The following LARP1 variants were observed in gnomAD, a reference collection of about 807,000 sequenced individuals.
LARP1 encodes La ribonucleoprotein 1, translational regulator, also known as la-related protein 1.
A neutral mutation model predicts 122.7 loss-of-function variants in LARP1; 36 were observed. The observed-to-expected ratio is 0.29, with a 90% CI of 0.22 to 0.39. The LOEUF (loss-of-function observed/expected upper bound fraction) is 0.39. Ranked by LOEUF, LARP1 falls within the 10% of genes least tolerant of loss-of-function variation. The pLI, the probability that LARP1 is intolerant of heterozygous loss-of-function variation, is 1.00. For synonymous variants in LARP1, 539 were observed against 528.7 expected (o/e 1.02, Z -0.27); for missense variants, 1,040 against 1,403.6 (o/e 0.74, Z 4.14).
chr5:154,700,994 A>C lies in LARP1; in HGVS notation c.-180+17957A>C, dbSNP rs142975611. On this transcript the variant is annotated intron_variant, in intron 1 of 18. Coordinates refer to the LARP1 transcript ENST00000687700. Reference sequence around the variant, plus strand: ...AAAAAAAAGAAAAAAATATTTGTAGAGATAGCATCTCGCTATGTTGTCTAG... The same window carrying C: ...AAAAAAAAGAAAAAAATATTTGTAGCGATAGCATCTCGCTATGTTGTCTAG... Among the ~76,000 whole-genome samples the C allele has an allele frequency of 2.7e-3, 405 of 152,098 alleles. 3 individuals are homozygous for C. The highest frequency in any genetic ancestry group is 8.7e-3 in the African/African-American group (360 of 41,524).
Position 154,793,616 on chromosome 5 carries a change from C to T in LARP1, c.761C>T (p.Pro254Leu), listed in dbSNP as rs144894202. ...KKKGNKHKWV[P>L]LQIDMKPEVP... ...CCAGGAAACAAACACAAGTGGGTTC[C>T]ATTACAAATAGACATGAAGCCTGAA... Residue 254 changes from proline to leucine, a missense_variant, in exon 5 of 19, where the codon CCA becomes CTA. Physicochemically the swap from Pro to Leu is moderately conservative, Grantham distance 98 (BLOSUM62 -3). Coordinates refer to ENST00000518297, the MANE Select transcript of LARP1 (RefSeq NM_033551.3). The T allele has an allele frequency of 1.1e-4, 177 of 1,614,044 alleles. No homozygotes were observed. Among genetic ancestry groups the T allele is most frequent in the Non-Finnish European group, 1.4e-4 (170 of 1,180,052 alleles).
chr5:154,715,198 A>G (rs1327964729), intron 1 of LARP1, among the ~76,000 whole-genome samples: 3 of 151,232 alleles, frequency 2.0e-5, no homozygotes, highest in Admixed American at 2.0e-4. Context: ...GAAGAAATTA[A>G]AGTTGAAGAT....
chr5:154,702,412 C>T (rs1048632571), intron 1 of LARP1, among the ~76,000 whole-genome samples: 4 of 151,666 alleles, frequency 2.6e-5, no homozygotes, highest in African/African-American at 4.8e-5. Context: ...AAAAATTTCC[C>T]GGGCGTGGTG....
At chr5:154,687,785 C>G (rs1050343514) in intron 1 of LARP1, among the ~76,000 whole-genome samples, 3 of 62,328 alleles carry the variant, frequency 4.8e-5, no homozygotes, top group South Asian at 9.1e-4. Context: ...GCCAGGATAA[C>G]ACGAGAGAAC....
At position 154,811,650 on chromosome 5, in the gene LARP1, A is replaced by T. The variant is rs762875665; in HGVS notation, c.3081+10A>T. On this transcript the variant is annotated intron_variant, in intron 18 of 18. Transcript: ENST00000518297. ...AGACTTCCGAGTAGATGTAAGTGAA[A>T]CTCTTTCTCTAACTCTGCTTGTCCT... The T allele has an allele frequency of 6.2e-7, 1 of 1,613,810 alleles. No homozygotes were observed. The highest frequency in any genetic ancestry group is 1.1e-5 in the South Asian group (1 of 91,080).
At chr5:154,745,512 G>T (rs1753143336) in intron 1 of LARP1, among the ~76,000 whole-genome samples, 1 of 152,178 alleles carries the variant, frequency 6.6e-6, no homozygotes, top group Non-Finnish European at 1.5e-5. Context: ...ATCCTCAGGG[G>T]TAGGTGCTAT....
At chr5:154,784,169 G>A (rs540110229) in intron 1 of LARP1, among the ~76,000 whole-genome samples, 19 of 152,220 alleles carry the variant, frequency 1.2e-4, no homozygotes, top group Non-Finnish European at 2.6e-4. Flanking sequence ...CTGGTGTGAA[G>A]TCGCTATTCA....
intron 1 of LARP1, among the ~76,000 whole-genome samples, chr5:154,721,595 T>C (rs1755874759): frequency 1.3e-5 from 2 of 152,204 alleles, no homozygotes; most frequent in African/African-American, 4.8e-5. Context: ...TGCCAGCCAC[T>C]GCAGGGAAGC....
At chr5:154,756,217 T>G in intron 1 of LARP1, 24 bp downstream of exon 1, 1 of 1,217,142 alleles carries the variant, frequency 8.2e-7, no homozygotes, top group Middle Eastern at 2.6e-4. Flanking sequence ...CTTGCCCTCC[T>G]GGGTCCGGGG....
chr5:154,806,971 A>G (rs978630555), intron 15 of LARP1, among the ~76,000 whole-genome samples: 38 of 152,154 alleles, frequency 2.5e-4, no homozygotes, highest in African/African-American at 8.9e-4. Context: ...TATACATGCA[A>G]ACTACTCCCC....
intron 1 of LARP1, among the ~76,000 whole-genome samples, chr5:154,693,927 C>T (rs1582148045): frequency 6.6e-6 from 1 of 151,798 alleles, no homozygotes; most frequent in Admixed American, 6.6e-5. Context: ...CATAGCTCCA[C>T]CTATTTTGGC....
At position 154,803,814 on chromosome 5, in the gene LARP1, C is replaced by A; in HGVS notation, c.2439+69C>A. 1 of 1,460,226 alleles carries A rather than the reference C, an allele frequency of 6.8e-7. No individual in the cohort carries two copies. The highest frequency in any genetic ancestry group is 9.5e-7 in the Non-Finnish European group (1 of 1,047,606). 90.5% of individuals were successfully genotyped at this position (1,460,226 alleles called of 1,614,324 possible). A position where few individuals can be genotyped will look rare whatever the true frequency, so the allele number is the denominator to read the frequency against. ...CATTGCATTCCAGTGCTTTGCTTCT[C>A]TCCCTTGCCTTGTCTGAGCTAAGGA... On this transcript the variant is annotated intron_variant, in intron 13 of 18. Coordinates refer to ENST00000518297, the MANE Select transcript of LARP1 (RefSeq NM_033551.3). The surrounding 1 kb of genome is among the most constrained non-coding windows in gnomAD (Gnocchi z 4.4).
chr5:154,683,453 A>G (rs1015044171), intron 1 of LARP1, among the ~76,000 whole-genome samples: 1 of 152,226 alleles, frequency 6.6e-6, no homozygotes, highest in Admixed American at 6.5e-5. Flanking sequence ...ATATATGTCA[A>G]CGTATTTCCC....
At chr5:154,713,896 G>A (rs1755349171) in intron 1 of LARP1, among the ~76,000 whole-genome samples, 1 of 152,228 alleles carries the variant, frequency 6.6e-6, no homozygotes, top group Admixed American at 6.5e-5. Flanking sequence ...TCAGCCCTCT[G>A]TTAGGGTGTG....
At chr5:154,720,138 C>A (rs1755769711) in intron 1 of LARP1, among the ~76,000 whole-genome samples, 1 of 152,096 alleles carries the variant, frequency 6.6e-6, no homozygotes, top group South Asian at 2.1e-4. Context: ...TTGCAGTGAG[C>A]TGAGATCGCA....
Position 154,707,392 on chromosome 5 carries a change from A to C in LARP1, c.-180+24355A>C, listed in dbSNP as rs568804929. ...TGACCAATGGGAGTCTCTTTGACAC[A>C]ACTCTATCTTCATTGATTTGTGACA... On this transcript the variant is annotated intron_variant, in intron 1 of 18. Coordinates refer to the LARP1 transcript ENST00000687700. Among the ~76,000 whole-genome samples, 6 of 152,320 alleles carry C rather than the reference A, an allele frequency of 3.9e-5. No individual in the cohort carries two copies. In the East Asian group the frequency reaches 9.6e-4, roughly 24 times the overall value.
upstream of LARP1, among the ~76,000 whole-genome samples, chr5:154,754,142 TCTAA>T (rs200851880): frequency 1.9e-3 from 285 of 152,350 alleles, 4 homozygotes; most frequent in East Asian, 0.024. Context: ...GCCCATCTAG[TCTAA>T]CTGATTACCA....
At chr5:154,758,892 A>G (rs1211494158) in intron 1 of LARP1, among the ~76,000 whole-genome samples, 2 of 152,086 alleles carry the variant, frequency 1.3e-5, no homozygotes, top group Non-Finnish European at 2.9e-5. Context: ...CAAGTCTTAC[A>G]TTTGTAGTTT....
At chr5:154,806,096 G>A in intron 15 of LARP1, 64 bp downstream of exon 15, 3 of 1,542,900 alleles carry the variant, frequency 1.9e-6, no homozygotes, top group Non-Finnish European at 2.6e-6. Context: ...GAGTATAAGA[G>A]TTGGGGGATA....
Sources: allele counts gnomAD v4.1 joint callset (sites outside exome capture counted in the v4.1 genomes callset), GRCh38; gene constraint gnomAD v4.1.1; non-coding constraint Gnocchi (gnomAD v3.1); transcripts MANE v1.5; gene names NCBI Gene and HGNC (gene_info 2026-07-23, HGNC 2026-07-21).